Variants in MYSM1 observed in about 807,000 individuals in gnomAD.
MYSM1 encodes Myb like, SWIRM and MPN domains 1.
Under a neutral mutation model 116.0 loss-of-function variants are expected in MYSM1, and 51 were observed. The observed-to-expected ratio is 0.44, with a 90% CI of 0.35 to 0.56. The LOEUF (loss-of-function observed/expected upper bound fraction) is 0.56, where lower values mean the gene tolerates loss of function less well. MYSM1 is among the 20% of genes least tolerant of loss of function. The pLI is 0.00. For synonymous variants in MYSM1, 313 were observed against 315.2 expected (o/e 0.99, Z 0.07); for missense variants, 900 against 974.9 (o/e 0.92, Z 1.02).
At chr1:58,672,342 G>A (rs1427336710) in intron 11 of MYSM1, among the ~76,000 whole-genome samples, 8 of 151,978 alleles carry the variant, frequency 5.3e-5, no homozygotes, top group Non-Finnish European at 1.0e-4. Flanking sequence ...AACAGATTCT[G>A]GATCTAGAAT....
chr1:58,685,411 C>G (rs145490480), intron 6 of MYSM1, among the ~76,000 whole-genome samples, 160 bp from the exon 7 acceptor site: 6 of 151,606 alleles, frequency 4.0e-5, no homozygotes, highest in Non-Finnish European at 8.8e-5. Flanking sequence ...CTCTTAAAAT[C>G]AAAGCCTACA....
intron 10 of MYSM1, among the ~76,000 whole-genome samples, chr1:58,675,221 C>T (rs1376342723): frequency 6.6e-6 from 1 of 152,064 alleles, no homozygotes; most frequent in Admixed American, 6.6e-5. Context: ...CATCCCAAGA[C>T]CACTTTAGGA....
intron 3 of MYSM1, 51 bp downstream of exon 3, chr1:58,692,810 G>T (rs1321022303): frequency 2.1e-6 from 3 of 1,461,360 alleles, no homozygotes; most frequent in African/African-American, 2.9e-5. Context: ...TGCATTTATA[G>T]ATTTTTTTCA....
rs375252793 is a variant in MYSM1 at position 58,677,063 on chromosome 1, A to G, written c.1260-7T>C. 20 of 1,586,016 alleles carry G rather than the reference A, an allele frequency of 1.3e-5. No homozygotes were observed. The African/African-American group carries it at 2.4e-4, about 19-fold the overall frequency. On this transcript the variant is annotated splice_polypyrimidine_tract_variant and splice_region_variant and intron_variant, in intron 8 of 19. Coordinates refer to ENST00000472487, the MANE Select transcript of MYSM1 (RefSeq NM_001085487.3). ...TTTTGGTTTGCATATCTCCCTAATT[A>G]AGAGACAGAAGTACAATTATTTTGG... is the stretch of plus-strand genomic sequence containing the variant.
chr1:58,682,590 A>G, intron 7 of MYSM1, 45 bp from the exon 8 acceptor site: 1 of 1,476,862 alleles, frequency 6.8e-7, no homozygotes, highest in Non-Finnish European at 9.0e-7. Flanking sequence ...TAAGATTTAA[A>G]AATTTAATCA....
chr1:58,675,516 T>C lies in MYSM1; in HGVS notation c.1455A>G (p.Ala485=). The C allele has an allele frequency of 1.2e-6, 2 of 1,613,392 alleles. No homozygotes were observed. The highest frequency in any genetic ancestry group is 1.7e-6 in the Non-Finnish European group (2 of 1,179,652). ...DKVRIRDRKD[A]VEAYQLAQRL... is the part of the protein sequence containing the mutation. Reference sequence around the variant, plus strand: ...GCTGGGCAAGTTGGTATGCTTCTACTGCATCTTTTCTGTCTCTGATTCGTA... The same window carrying C: ...GCTGGGCAAGTTGGTATGCTTCTACCGCATCTTTTCTGTCTCTGATTCGTA... The change falls in exon 10 of 20, where the codon GCA becomes GCG. Residue 485 remains alanine, a synonymous_variant. Transcript: ENST00000472487.
intron 17 of MYSM1, among the ~76,000 whole-genome samples, chr1:58,661,810 G>A (rs995741680): frequency 6.6e-6 from 1 of 152,030 alleles, no homozygotes; most frequent in East Asian, 1.9e-4. Context: ...TAAACCAAGA[G>A]ACTTTTTGAA....
At position 58,669,836 on chromosome 1, in the gene MYSM1, CAAAAAAAAA is replaced by C. The variant is rs58828009; in HGVS notation, c.1662-807_1662-799del. On this transcript the variant is annotated intron_variant, in intron 12 of 19. Coordinates refer to ENST00000472487, the MANE Select transcript of MYSM1 (RefSeq NM_001085487.3). Reference sequence around the variant, plus strand: ...GGGTGACAGAGTGAGACCCTGTCTCCAAAAAAAAAAAAAAAAAAAAAAAAAACAAAAAAG... The same window carrying C: ...GGGTGACAGAGTGAGACCCTGTCTCCAAAAAAAAAAAAAAAAACAAAAAAG... Among the ~76,000 whole-genome samples the C allele has an allele frequency of 8.9e-4, 13 of 14,600 alleles. 1 individual carries two copies. Among genetic ancestry groups the C allele is most frequent in the South Asian group, 8.9e-3 (5 of 562 alleles). The allele number at this position is 14,600 out of a possible 152,430, so 9.6% of individuals were successfully genotyped here. A position where few individuals can be genotyped will look rare whatever the true frequency, so the allele number is the denominator to read the frequency against.
chr1:58,664,694 T>C (rs1282652665), intron 17 of MYSM1, among the ~76,000 whole-genome samples: 1 of 152,218 alleles, frequency 6.6e-6, no homozygotes, highest in East Asian at 1.9e-4. Flanking sequence ...ATCTACTTTA[T>C]GCCAGGCCTC....
intron 2 of MYSM1, among the ~76,000 whole-genome samples, chr1:58,694,505 C>T (rs1644945437): frequency 1.3e-5 from 2 of 152,006 alleles, no homozygotes; most frequent in African/African-American, 4.8e-5. Flanking sequence ...CCTGTAGTCC[C>T]AGCTACTCGG....
chr1:58,692,957 CT>C, intron 2 of MYSM1, 26 bp from the exon 3 acceptor site: 1 of 1,544,624 alleles, frequency 6.5e-7, no homozygotes, highest in Non-Finnish European at 8.8e-7. Flanking sequence ...ATATATTTGT[CT>C]TTTTATTTAT....
chr1:58,674,634 G>C (rs1557513028), intron 10 of MYSM1, among the ~76,000 whole-genome samples: 2 of 152,110 alleles, frequency 1.3e-5, no homozygotes, highest in Admixed American at 6.5e-5. Flanking sequence ...CTTATAAAGA[G>C]TGTTGGATCG....
At position 58,658,698 on chromosome 1, in the gene MYSM1, T is replaced by C. The variant is rs1644349604; in HGVS notation, c.*1299A>G. On this transcript the variant is annotated 3_prime_UTR_variant, in exon 20 of 20. Coordinates refer to ENST00000472487, the MANE Select transcript of MYSM1 (RefSeq NM_001085487.3). Reference sequence around the variant, plus strand: ...AGCTATAAATCAATTCTCTGACTACTAAGAAATAAACTAAAATCTACTGAA... The same window carrying C: ...AGCTATAAATCAATTCTCTGACTACCAAGAAATAAACTAAAATCTACTGAA... 7.6e-6 allele frequency: 1 copy of C among 131,172 alleles called. No individual in the cohort carries two copies. Among genetic ancestry groups the C allele is most frequent in the Admixed American group, 7.8e-5 (1 of 12,882 alleles). The allele number at this position is 131,172 out of a possible 1,614,324, so 8.1% of individuals were successfully genotyped here.
intron 17 of MYSM1, among the ~76,000 whole-genome samples, chr1:58,663,639 C>T (rs1419869825): frequency 3.9e-5 from 6 of 152,198 alleles, no homozygotes; most frequent in Admixed American, 3.9e-4. Context: ...ATGGATAGTT[C>T]CCTCTAATGC....
chr1:58,697,153 G>A (rs1031528982), intron 1 of MYSM1, among the ~76,000 whole-genome samples: 8 of 152,226 alleles, frequency 5.3e-5, no homozygotes, highest in African/African-American at 1.9e-4. Flanking sequence ...TAGGGTAGAG[G>A]AGTAGAAGGA....
chr1:58,674,982 T>C (rs990034062), intron 10 of MYSM1, among the ~76,000 whole-genome samples: 4 of 151,786 alleles, frequency 2.6e-5, no homozygotes, highest in African/African-American at 7.2e-5. Flanking sequence ...TTTGTTTTTT[T>C]TTCCCCTCGA....
At position 58,656,684 on chromosome 1, in the gene MYSM1, C is replaced by T. The variant is rs1340890360; in HGVS notation, c.*3313G>A. ...CTCCTGGATGGAGTGGCAAAGGCTT[C>T]TCCAAGGACTGTGGTGGTGGGAGAA... On this transcript the variant is annotated 3_prime_UTR_variant, in exon 20 of 20. Coordinates refer to ENST00000472487, the MANE Select transcript of MYSM1 (RefSeq NM_001085487.3). 6.6e-6 allele frequency: 1 copy of T among 152,216 alleles called. No homozygotes were observed. The highest frequency in any genetic ancestry group is 1.5e-5 in the Non-Finnish European group (1 of 68,080). 9.4% of individuals were successfully genotyped at this position (152,216 alleles called of 1,614,324 possible).
At chr1:58,677,266 AT>A (rs1324449613) in intron 8 of MYSM1, among the ~76,000 whole-genome samples, 2 of 152,256 alleles carry the variant, frequency 1.3e-5, no homozygotes, top group African/African-American at 2.4e-5. Flanking sequence ...TATTAGCATA[AT>A]TTTTTACAAG....
rs1645005942 is a variant in MYSM1, at chr1:58,698,097, TA to T, written c.68+1887del. ...CTATTTATCAGACTATATATATATA[TA>T]TATATTTTTTTTTTTTTTTTGAGAC... is the stretch of plus-strand genomic sequence containing the variant. On this transcript the variant is annotated intron_variant, in intron 1 of 19. Transcript: ENST00000472487. 2.0e-4 allele frequency among the ~76,000 whole-genome samples: 9 copies of T among 45,738 alleles called. 1 individual carries two copies. Among genetic ancestry groups the T allele is most frequent in the African/African-American group, 2.6e-4 (3 of 11,456 alleles). The allele number at this position is 45,738 out of a possible 152,430, so 30.0% of individuals were successfully genotyped here. A position where few individuals can be genotyped will look rare whatever the true frequency, so the allele number is the denominator to read the frequency against.
Sources: allele counts gnomAD v4.1 joint callset (sites outside exome capture counted in the v4.1 genomes callset), GRCh38; gene constraint gnomAD v4.1.1; transcripts MANE v1.5; gene names NCBI Gene and HGNC (gene_info 2026-07-23, HGNC 2026-07-21).